ITPK1: variants seen among roughly 807,000 people sequenced by gnomAD.
The protein encoded by ITPK1 is inositol-tetrakisphosphate 1-kinase, also known as inositol 1,3,4-trisphosphate 5/6-kinase.
In ITPK1, 21 loss-of-function variants were observed where a neutral mutation model predicts 45.3. That is an observed-to-expected ratio of 0.46 (90% CI 0.33 to 0.67). ITPK1 has a LOEUF of 0.67. Among genes scored for constraint, ITPK1 ranks in the 30% least tolerant of loss-of-function variants. The probability of loss-of-function intolerance (pLI) is 0.02; values close to 1 mark genes in which losing one functional copy is unlikely to be tolerated. For synonymous variants in ITPK1, 258 were observed against 253.6 expected (o/e 1.02, Z -0.16); for missense variants, 474 against 573.5 (o/e 0.83, Z 1.77).
At chr14:93,064,240 G>A (rs1001897438) in intron 3 of ITPK1, among the ~76,000 whole-genome samples, 1 of 152,086 alleles carries the variant, frequency 6.6e-6, no homozygotes, top group Non-Finnish European at 1.5e-5. Flanking sequence ...CCGAGGTCGC[G>A]CCACTGCACT....
intron 5 of ITPK1, among the ~76,000 whole-genome samples, chr14:92,963,129 G>T (rs1053352535): frequency 6.6e-6 from 1 of 152,202 alleles, no homozygotes; most frequent in African/African-American, 2.4e-5. Context: ...ATATTGACAA[G>T]ACATTACAAC....
At chr14:93,090,439 T>C (rs2140005093) in intron 2 of ITPK1, among the ~76,000 whole-genome samples, 1 of 152,284 alleles carries the variant, frequency 6.6e-6, no homozygotes, top group Middle Eastern at 3.4e-3. Context: ...TATATTCTCC[T>C]GACCTGAATG....
At position 92,941,893 on chromosome 14, in the gene ITPK1, C is replaced by A; in HGVS notation, c.913G>T (p.Val305Leu). The change falls in exon 11 of 11, where the codon GTG becomes TTG. Residue 305 changes from valine (V) to leucine (L), a missense_variant. Around this residue, in one of 2 missense-constraint regions of ITPK1, gnomAD observed 367 missense variants for 480.6 expected, o/e 0.76. Transcript: ENST00000267615. ...DINAFPGYEGVSEFFTDLLNH... is the reference protein window; with the variant it reads ...DINAFPGYEGLSEFFTDLLNH... ...AGGAGGTCTGTGAAGAACTCGCTCA[C>A]GCCCTCGTAGCCTGGGGGTGGGAGA... The A allele has an allele frequency of 6.2e-7, 1 of 1,611,886 alleles. No individual in the cohort carries two copies. Among genetic ancestry groups the A allele is most frequent in the Non-Finnish European group, 8.5e-7 (1 of 1,179,710 alleles).
chr14:93,071,259 C>G (rs1890990721), intron 3 of ITPK1: 1 of 152,926 alleles, frequency 6.5e-6, no homozygotes, highest in African/African-American at 2.4e-5. Context: ...AGTCCACTGC[C>G]AAGCAAGTCT....
intron 3 of ITPK1, chr14:93,067,681 T>C (rs1451460195): frequency 6.6e-6 from 1 of 152,100 alleles, no homozygotes; most frequent in Non-Finnish European, 1.5e-5. Context: ...ATGTGAAAAA[T>C]GTGATTTTTT....
In ITPK1 at chr14:93,096,229, G is replaced by A. The variant is rs749280444; in HGVS notation, c.95+18840C>T. Among the ~76,000 whole-genome samples, 9 of 152,158 alleles carry A rather than the reference G, an allele frequency of 5.9e-5. No individual in the cohort carries two copies. The East Asian group carries it at 7.7e-4, about 13-fold the overall frequency. ...AGATGCCGCAGCCCCAGCTTTCTGC[G>A]ACTGACTCCTTTCTGACCTGTCAGC... On this transcript the variant is annotated intron_variant, in intron 2 of 10. Coordinates refer to ENST00000267615, the MANE Select transcript of ITPK1 (RefSeq NM_014216.6).
intron 4 of ITPK1, among the ~76,000 whole-genome samples, chr14:92,995,672 G>A (rs1464021369): frequency 6.6e-6 from 1 of 152,152 alleles, no homozygotes; most frequent in Non-Finnish European, 1.5e-5. Flanking sequence ...CTGCACATAA[G>A]TGCGAGGACC....
intron 3 of ITPK1, among the ~76,000 whole-genome samples, chr14:93,074,009 G>C (rs1168323423): frequency 1.3e-5 from 2 of 152,218 alleles, no homozygotes; most frequent in African/African-American, 4.8e-5. Flanking sequence ...CCAGCTCCCA[G>C]GGCCCAGCAG....
intron 9 of ITPK1, among the ~76,000 whole-genome samples, chr14:92,949,257 C>T (rs759998927): frequency 3.3e-4 from 50 of 152,140 alleles, no homozygotes; most frequent in Non-Finnish European, 6.2e-4. Flanking sequence ...CTACGCCCTG[C>T]TAATTTTTGT....
chr14:92,973,381 G>A (rs1318205173), intron 5 of ITPK1, among the ~76,000 whole-genome samples: 1 of 152,234 alleles, frequency 6.6e-6, no homozygotes. Flanking sequence ...GCAAAGGAAG[G>A]AGGAGGGGCC....
At chr14:93,088,177 C>A (rs1891721373) in intron 2 of ITPK1, among the ~76,000 whole-genome samples, 1 of 152,170 alleles carries the variant, frequency 6.6e-6, no homozygotes, top group East Asian at 1.9e-4. Flanking sequence ...CTCTCTCGTT[C>A]CCCACCCAGG....
At chr14:93,049,472 T>A (rs1026258682) in intron 3 of ITPK1, among the ~76,000 whole-genome samples, 1 of 152,044 alleles carries the variant, frequency 6.6e-6, no homozygotes, top group Non-Finnish European at 1.5e-5. Flanking sequence ...GTGTCTGAGT[T>A]GGGAATGGCA....
At chr14:92,953,876 C>T (rs546843227) in intron 8 of ITPK1, among the ~76,000 whole-genome samples, 1 of 152,266 alleles carries the variant, frequency 6.6e-6, no homozygotes, top group African/African-American at 2.4e-5. Flanking sequence ...GCTCTTTTCT[C>T]CTCCTGGCTA....
intron 3 of ITPK1, among the ~76,000 whole-genome samples, chr14:93,030,431 T>TTCA (rs1888979061): frequency 6.6e-6 from 1 of 152,182 alleles, no homozygotes; most frequent in African/African-American, 2.4e-5. Context: ...CTTTTCTTTC[T>TTCA]TTCATTCATT....
At chr14:93,070,110 C>T (rs1890931435) in intron 3 of ITPK1, 2 of 152,364 alleles carry the variant, frequency 1.3e-5, no homozygotes, top group South Asian at 2.1e-4. Flanking sequence ...CTCGAGTCCC[C>T]TCATGCCAGC....
Position 93,002,547 on chromosome 14 carries a change from C to T in ITPK1, c.247-8550G>A, listed in dbSNP as rs143110019. Among the ~76,000 whole-genome samples, 7 of 152,178 alleles carry T rather than the reference C, an allele frequency of 4.6e-5. No homozygotes were observed. The East Asian group carries it at 1.4e-3, about 29-fold the overall frequency. ...AACTAGGGCCAGGGTTGCTCTGGGG[C>T]ATTTCAGGAAAAAGGGAAGCCTTTC... On this transcript the variant is annotated intron_variant, in intron 4 of 10. Transcript: ENST00000267615.
chr14:93,030,386 G>A (rs1405552307), intron 3 of ITPK1, among the ~76,000 whole-genome samples: 12 of 152,230 alleles, frequency 7.9e-5, no homozygotes, highest in Admixed American at 7.9e-4. Flanking sequence ...CAGTTTGTGT[G>A]AGTGATGCAT....
In ITPK1 at chr14:93,003,733, G is replaced by A. The variant is rs889753418; in HGVS notation, c.247-9736C>T. Among the ~76,000 whole-genome samples the A allele has an allele frequency of 2.0e-5, 3 of 152,176 alleles. No homozygotes were observed. The South Asian group carries it at 6.2e-4, about 31-fold the overall frequency. ...CCAAGGCTTCTGCCTGCCCATCACT[G>A]TCAGATAATCTTTTGCAGCCCAGCT... On this transcript the variant is annotated intron_variant, in intron 4 of 10. Transcript: ENST00000267615.
At chr14:93,104,455 T>G (rs763570778) in intron 2 of ITPK1, among the ~76,000 whole-genome samples, 19 of 136,230 alleles carry the variant, frequency 1.4e-4, no homozygotes, top group Non-Finnish European at 2.4e-4. Flanking sequence ...ATAGCGAAAC[T>G]CCATCTCAAA....
Sources: allele counts gnomAD v4.1 joint callset (sites outside exome capture counted in the v4.1 genomes callset), GRCh38; gene constraint gnomAD v4.1.1; regional missense constraint gnomAD v4.1.1; transcripts MANE v1.5; gene names NCBI Gene and HGNC (gene_info 2026-07-23, HGNC 2026-07-21).